Variants in EIF3H observed in about 807,000 individuals in gnomAD.
EIF3H encodes the protein eukaryotic translation initiation factor 3 subunit H.
EIF3H carries 26 observed loss-of-function variants against 44.2 expected under a neutral mutation model. The observed-to-expected ratio is 0.59, with a 90% confidence interval of 0.43 to 0.82. The LOEUF is 0.82. Among genes scored for constraint, EIF3H ranks in the 40% least tolerant of loss-of-function variants. The probability of loss-of-function intolerance (pLI) is 0.00; values close to 1 mark genes in which losing one functional copy is unlikely to be tolerated. For missense variants in EIF3H, 359 were observed against 432.8 expected (o/e 0.83, Z 1.51); for synonymous variants, 166 against 151.9 (o/e 1.09, Z -0.68).
At chr8:116,763,357 G>A (rs1433023783) in intron 1 of EIF3H, among the ~76,000 whole-genome samples, 3 of 152,146 alleles carry the variant, frequency 2.0e-5, no homozygotes, top group Non-Finnish European at 4.4e-5. Flanking sequence ...CATCATCAAA[G>A]TGTTATCTGG....
intron 2 of EIF3H, among the ~76,000 whole-genome samples, chr8:116,668,840 C>T (rs533523642): frequency 6.6e-6 from 1 of 152,266 alleles, no homozygotes; most frequent in African/African-American, 2.4e-5. Flanking sequence ...TCAGGAAGAG[C>T]TCAAACCCTT....
At position 116,645,032 on chromosome 8, in the gene EIF3H, G is replaced by C. The variant is rs778166963; in HGVS notation, c.1033C>G (p.Gln345Glu). ...TAGTTGTTGTATTCTTGAAGAGCCT[G>C]GGCCATGAAGAGCTTGCCTAAGTTT... ...AQNLGKLFMAQALQEYNN is the reference protein window; with the variant it reads ...AQNLGKLFMAEALQEYNN Residue 345 changes from glutamine to glutamate, a missense_variant, in exon 8 of 8, where the codon CAG becomes GAG. Gln to Glu is a conservative substitution (Grantham distance 29). Coordinates refer to ENST00000521861, the MANE Select transcript of EIF3H (RefSeq NM_003756.3). 6.2e-7 allele frequency: 1 copy of C among 1,614,056 alleles called. No individual in the cohort carries two copies. Among genetic ancestry groups the C allele is most frequent in the Non-Finnish European group, 8.5e-7 (1 of 1,179,960 alleles).
chr8:116,657,166 C>A, intron 4 of EIF3H, 49 bp downstream of exon 4: 1 of 1,501,466 alleles, frequency 6.7e-7, no homozygotes, highest in Non-Finnish European at 9.3e-7. Context: ...AAAGAAAAAT[C>A]TTAACAGAAA....
rs901814028 is a variant in EIF3H, at chr8:116,762,614, C to T, written c.-27+2901G>A. 3.9e-5 allele frequency among the ~76,000 whole-genome samples: 6 copies of T among 152,224 alleles called. No individual in the cohort carries two copies. In the East Asian group the frequency reaches 9.6e-4, roughly 24 times the overall value. ...ACATATCTTTGGCTAGAACTTAATC[C>T]TGTGGTTCTACCTAACTGCACAGAA... On this transcript the variant is annotated intron_variant, in intron 1 of 9. Coordinates refer to the EIF3H transcript ENST00000276682.
chr8:116,687,380 A>G (rs1186221228), intron 2 of EIF3H, among the ~76,000 whole-genome samples: 3 of 152,216 alleles, frequency 2.0e-5, no homozygotes, highest in Non-Finnish European at 4.4e-5. Flanking sequence ...CACAAAAATG[A>G]CTAAAAATCT....
intron 2 of EIF3H, among the ~76,000 whole-genome samples, chr8:116,724,047 A>C (rs537444755): frequency 7.2e-5 from 11 of 152,346 alleles, no homozygotes; most frequent in African/African-American, 2.2e-4. Flanking sequence ...TCTGACTTCA[A>C]AACCTATTAC....
At chr8:116,682,829 CAT>C (rs776376313) in intron 2 of EIF3H, among the ~76,000 whole-genome samples, 18 of 152,168 alleles carry the variant, frequency 1.2e-4, no homozygotes, top group Non-Finnish European at 1.9e-4. Flanking sequence ...AATGCTGTAA[CAT>C]GTGGTTTGCT....
At chr8:116,733,959 A>G (rs1296788217) in intron 1 of EIF3H, among the ~76,000 whole-genome samples, 2 of 152,220 alleles carry the variant, frequency 1.3e-5, no homozygotes, top group Admixed American at 6.5e-5. Context: ...AATCTTTTTA[A>G]TATCTGGTTT....
upstream of EIF3H, among the ~76,000 whole-genome samples, chr8:116,758,012 G>A (rs1328487132): frequency 2.0e-5 from 3 of 152,138 alleles, no homozygotes; most frequent in South Asian, 2.1e-4. Flanking sequence ...GTGAGCCACC[G>A]CACCTAGCCA....
intron 2 of EIF3H, among the ~76,000 whole-genome samples, chr8:116,684,012 G>C (rs900596259): frequency 2.0e-5 from 3 of 152,158 alleles, no homozygotes; most frequent in Non-Finnish European, 4.4e-5. Context: ...CCATTTGACA[G>C]GTGAGGAAGT....
At chr8:116,726,285 A>G (rs1814836693) in intron 1 of EIF3H, 113 bp from the exon 2 acceptor site, 2 of 1,094,468 alleles carry the variant, frequency 1.8e-6, no homozygotes, top group Non-Finnish European at 2.5e-6. Context: ...CACAAATTAA[A>G]TAAGAGGAAT....
chr8:116,696,440 TAAAAG>T (rs1379060157), intron 2 of EIF3H, among the ~76,000 whole-genome samples: 1 of 152,188 alleles, frequency 6.6e-6, no homozygotes, highest in South Asian at 2.1e-4. Flanking sequence ...GAAAATTTCT[TAAAAG>T]AGAATAGTTA....
At chr8:116,678,085 CCCTGCCTGATTCT>C (rs2130831517) in intron 2 of EIF3H, among the ~76,000 whole-genome samples, 1 of 151,808 alleles carries the variant, frequency 6.6e-6, no homozygotes, top group African/African-American at 2.4e-5. Flanking sequence ...ACTGCAACCT[CCCTGCCTGATTCT>C]CCTGCCTCAG....
At chr8:116,734,479 G>C (rs1815000208) in intron 1 of EIF3H, 1 of 431,902 alleles carries the variant, frequency 2.3e-6, no homozygotes, top group Non-Finnish European at 4.6e-6. Flanking sequence ...AGATGGATAA[G>C]CACTAGGGTG....
rs576122799 is a variant in EIF3H, at chr8:116,745,586, A to G, written c.132+10080T>C. Among the ~76,000 whole-genome samples the G allele has an allele frequency of 1.9e-4, 29 of 152,324 alleles. No homozygotes were observed. The South Asian group carries it at 6.0e-3, about 32-fold the overall frequency. On this transcript the variant is annotated intron_variant, in intron 1 of 7. Transcript: ENST00000521861. ...GTGTCTGACCTTAACAGAAAGGACC[A>G]ATGGCCCAGGATGTTTGCAGGTTTA...
At chr8:116,731,648 T>G (rs1814952255) in intron 1 of EIF3H, among the ~76,000 whole-genome samples, 1 of 152,128 alleles carries the variant, frequency 6.6e-6, no homozygotes, top group Non-Finnish European at 1.5e-5. Flanking sequence ...GTTGGAACAA[T>G]CTCTACAGCA....
intron 2 of EIF3H, among the ~76,000 whole-genome samples, chr8:116,697,849 C>A (rs1264782320): frequency 2.0e-5 from 3 of 152,148 alleles, no homozygotes; most frequent in Non-Finnish European, 4.4e-5. Context: ...TTAAATTATG[C>A]TTTAGTGGGG....
chr8:116,752,044 G>T (rs1348658306), intron 1 of EIF3H, among the ~76,000 whole-genome samples: 2 of 152,164 alleles, frequency 1.3e-5, no homozygotes, highest in Non-Finnish European at 2.9e-5. Context: ...CACAGATGGA[G>T]AAGAAACATA....
chr8:116,735,107 G>C (rs1270734987), intron 1 of EIF3H, among the ~76,000 whole-genome samples: 1 of 152,078 alleles, frequency 6.6e-6, no homozygotes, highest in Non-Finnish European at 1.5e-5. Context: ...AAAGTTCAGA[G>C]GTAAAAAGAA....
Sources: gnomAD v4.1 joint callset for allele counts (sites outside exome capture counted in the v4.1 genomes callset) on GRCh38, gnomAD v4.1.1 for gene constraint, MANE v1.5 for transcripts, NCBI Gene and HGNC (gene_info 2026-07-23, HGNC 2026-07-21) for gene names.